GNAQ: variants seen among roughly 807,000 people sequenced by gnomAD.
GNAQ encodes the protein G protein subunit alpha q, also known as guanine nucleotide-binding protein G(q) subunit alpha.
Under a neutral mutation model 43.9 loss-of-function variants are expected in GNAQ, and 8 were observed. The ratio of observed to expected loss-of-function variants is 0.18; its 90% CI spans 0.11 to 0.33. GNAQ has a LOEUF of 0.33. GNAQ is among the 10% of genes least tolerant of loss of function. GNAQ has a pLI of 1.00. For synonymous variants in GNAQ, 155 were observed against 170.7 expected (o/e 0.91, Z 0.71); for missense variants, 158 against 450.8 (o/e 0.35, Z 5.88).
chr9:77,822,335 C>T (rs1827130817), intron 2 of GNAQ, among the ~76,000 whole-genome samples: 1 of 152,162 alleles, frequency 6.6e-6, no homozygotes, highest in African/African-American at 2.4e-5. Flanking sequence ...TTTCTCCCCA[C>T]CCTGGCATAA....
intron 6 of GNAQ, among the ~76,000 whole-genome samples, chr9:77,723,989 T>C (rs1471635069): frequency 1.3e-5 from 2 of 152,206 alleles, no homozygotes; most frequent in Non-Finnish European, 1.5e-5. Context: ...AATTACATGG[T>C]ATATAAATAA....
intron 2 of GNAQ, among the ~76,000 whole-genome samples, chr9:77,846,963 G>T (rs1419603480): frequency 1.3e-5 from 2 of 152,088 alleles, no homozygotes; most frequent in African/African-American, 2.4e-5. Flanking sequence ...CCAAGAACTC[G>T]CCACCCCTCA....
At chr9:77,929,614 T>C (rs948014711) in intron 1 of GNAQ, among the ~76,000 whole-genome samples, 3 of 152,108 alleles carry the variant, frequency 2.0e-5, no homozygotes, top group Non-Finnish European at 2.9e-5. Context: ...GTGGAACATT[T>C]GAGGTCAGGT....
intron 5 of GNAQ, among the ~76,000 whole-genome samples, chr9:77,733,614 C>G (rs1292039320): frequency 6.6e-6 from 1 of 152,190 alleles, no homozygotes; most frequent in Non-Finnish European, 1.5e-5. Context: ...TTCCTCCCAT[C>G]CCCAGCACAG....
intron 5 of GNAQ, among the ~76,000 whole-genome samples, chr9:77,785,696 C>T (rs1204104216): frequency 6.6e-6 from 1 of 152,112 alleles, no homozygotes; most frequent in Non-Finnish European, 1.5e-5. Context: ...TCTGACAGTT[C>T]CTGTCAGTTA....
chr9:77,831,437 C>A (rs910867927), intron 2 of GNAQ, among the ~76,000 whole-genome samples: 52 of 152,276 alleles, frequency 3.4e-4, no homozygotes, highest in African/African-American at 1.2e-3. Context: ...TTAAAACCAT[C>A]ATTCATATCA....
chr9:77,792,883 T>TC (rs1156601546), intron 5 of GNAQ, among the ~76,000 whole-genome samples: 3 of 152,086 alleles, frequency 2.0e-5, no homozygotes, highest in Non-Finnish European at 2.9e-5. Context: ...GGCTTACCTT[T>TC]CCCCCTATGG....
At chr9:78,014,038 T>C (rs1339022280) in intron 1 of GNAQ, among the ~76,000 whole-genome samples, 1 of 152,138 alleles carries the variant, frequency 6.6e-6, no homozygotes, top group African/African-American at 2.4e-5. Flanking sequence ...ATAAATTGAA[T>C]ATGACTACTA....
At chr9:77,771,541 A>T (rs1019175180) in intron 5 of GNAQ, among the ~76,000 whole-genome samples, 5 of 152,238 alleles carry the variant, frequency 3.3e-5, no homozygotes, top group Non-Finnish European at 7.3e-5. Context: ...GGCGAAGACA[A>T]GGATGTCTGC....
chr9:77,934,672 T>C (rs952487113), intron 1 of GNAQ, among the ~76,000 whole-genome samples: 2 of 152,190 alleles, frequency 1.3e-5, no homozygotes, highest in African/African-American at 4.8e-5. Context: ...GACTTATATA[T>C]GTTCCAAGTG....
chr9:77,872,637 G>A (rs1490842886), intron 2 of GNAQ, among the ~76,000 whole-genome samples: 1 of 152,194 alleles, frequency 6.6e-6, no homozygotes, highest in Non-Finnish European at 1.5e-5. Flanking sequence ...ATGAATGTGT[G>A]TGACTGGCAT....
At position 77,730,494 on chromosome 9, in the gene GNAQ, C is replaced by T. The variant is rs559324287; in HGVS notation, c.736-1827G>A. Among the ~76,000 whole-genome samples, 4 of 152,172 alleles carry T rather than the reference C, an allele frequency of 2.6e-5. No individual in the cohort carries two copies. The East Asian group carries it at 7.7e-4, about 29-fold the overall frequency. Reference sequence around the variant, plus strand: ...TTCTTTTTTTCTTCTGTAAAGTGTGCCAATTCAAATCAAGTCATAAGGCAC... The same window carrying T: ...TTCTTTTTTTCTTCTGTAAAGTGTGTCAATTCAAATCAAGTCATAAGGCAC... On this transcript the variant is annotated intron_variant, in intron 5 of 6. Coordinates refer to ENST00000286548, the MANE Select transcript of GNAQ (RefSeq NM_002072.5).
intron 2 of GNAQ, among the ~76,000 whole-genome samples, chr9:77,857,682 GAAGGAGAGA>G: frequency 7.7e-5 from 2 of 26,082 alleles, no homozygotes; most frequent in Non-Finnish European, 3.7e-4. Flanking sequence ...GGAAGGAGGG[GAAGGAGAGA>G]AAGGAAGACA....
chr9:77,908,335 C>A (rs1828745447), intron 2 of GNAQ, among the ~76,000 whole-genome samples: 1 of 152,168 alleles, frequency 6.6e-6, no homozygotes, highest in African/African-American at 2.4e-5. Flanking sequence ...CTACCAGAGG[C>A]CAGCCACTGC....
At chr9:77,962,120 C>T (rs922479091) in intron 1 of GNAQ, among the ~76,000 whole-genome samples, 1 of 151,382 alleles carries the variant, frequency 6.6e-6, no homozygotes, top group Admixed American at 6.6e-5. Context: ...TAGAAATTAT[C>T]AAAAATGAAG....
At chr9:77,880,243 T>A (rs1037162020) in intron 2 of GNAQ, among the ~76,000 whole-genome samples, 1 of 152,310 alleles carries the variant, frequency 6.6e-6, no homozygotes, top group African/African-American at 2.4e-5. Context: ...CTCAGAAATA[T>A]GTCCTGTCTG....
chr9:77,931,295 T>A (rs2118307076), intron 1 of GNAQ, among the ~76,000 whole-genome samples: 1 of 151,956 alleles, frequency 6.6e-6, no homozygotes, highest in Non-Finnish European at 1.5e-5. Flanking sequence ...CACTGCCAAT[T>A]TATTTAAAGA....
At chr9:77,954,132 T>C (rs551220616) in intron 1 of GNAQ, among the ~76,000 whole-genome samples, 2 of 152,344 alleles carry the variant, frequency 1.3e-5, no homozygotes, top group Admixed American at 6.5e-5. Flanking sequence ...ATTTCACCCT[T>C]TGCACACATT....
At chr9:77,972,409 C>T (rs1465731665) in intron 1 of GNAQ, among the ~76,000 whole-genome samples, 2 of 148,188 alleles carry the variant, frequency 1.3e-5, no homozygotes, top group African/African-American at 2.5e-5. Flanking sequence ...GTTTCTCATA[C>T]TGTTTTTTTT....
Sources: allele counts gnomAD v4.1 joint callset (sites outside exome capture counted in the v4.1 genomes callset), GRCh38; gene constraint gnomAD v4.1.1; transcripts MANE v1.5; gene names NCBI Gene and HGNC (gene_info 2026-07-23, HGNC 2026-07-21).